The following RIMS2 variants were observed in gnomAD, a reference collection of about 807,000 sequenced individuals.
The protein encoded by RIMS2 is regulating synaptic membrane exocytosis 2, also known as regulating synaptic membrane exocytosis protein 2.
Under a neutral mutation model 174.4 loss-of-function variants are expected in RIMS2, and 59 were observed. The ratio of observed to expected loss-of-function variants is 0.34; its 90% CI spans 0.27 to 0.42. The LOEUF (loss-of-function observed/expected upper bound fraction) is 0.42, where lower values mean the gene tolerates loss of function less well. Among genes scored for constraint, RIMS2 ranks in the 10% least tolerant of loss-of-function variants. The probability of loss-of-function intolerance (pLI) is 1.00; values close to 1 mark genes in which losing one functional copy is unlikely to be tolerated. For missense variants in RIMS2, 1,620 were observed against 1,666.3 expected (o/e 0.97, Z 0.48); for synonymous variants, 606 against 572.5 (o/e 1.06, Z -0.84).
chr8:104,201,496 G>A (rs1203627875), intron 19 of RIMS2, among the ~76,000 whole-genome samples: 1 of 152,036 alleles, frequency 6.6e-6, no homozygotes, highest in Non-Finnish European at 1.5e-5. Context: ...AAAAAATTCG[G>A]CATCATAGAT....
intron 1 of RIMS2, chr8:103,568,999 T>G (rs2092601456): frequency 4.0e-6 from 2 of 497,256 alleles, no homozygotes; most frequent in Admixed American, 6.5e-5. Flanking sequence ...TATCGCTCTT[T>G]TCACTTTCTT....
chr8:104,169,983 T>C (rs1488234147), intron 19 of RIMS2, among the ~76,000 whole-genome samples: 1 of 152,086 alleles, frequency 6.6e-6, no homozygotes, highest in African/African-American at 2.4e-5. Context: ...TGAGTGTTCC[T>C]TTTGGAGTTG....
At chr8:103,911,277 A>T (rs919826641) in intron 5 of RIMS2, among the ~76,000 whole-genome samples, 2 of 152,200 alleles carry the variant, frequency 1.3e-5, no homozygotes, top group Non-Finnish European at 2.9e-5. Flanking sequence ...GAATACTGTC[A>T]TTATTTACAG....
chr8:103,603,435 G>A (rs1030071972), intron 1 of RIMS2, among the ~76,000 whole-genome samples: 3 of 148,304 alleles, frequency 2.0e-5, no homozygotes, highest in African/African-American at 7.5e-5. Context: ...CTTTGCTATT[G>A]TGAATAATGC....
chr8:103,647,651 G>A (rs912705578), intron 1 of RIMS2, among the ~76,000 whole-genome samples: 5 of 151,916 alleles, frequency 3.3e-5, no homozygotes, highest in African/African-American at 4.8e-5. Flanking sequence ...TTCAGCCTTG[G>A]GTAGGTGTAT....
Position 103,773,019 on chromosome 8 carries a change from T to C in RIMS2, c.698+6482T>C, listed in dbSNP as rs553265832. On this transcript the variant is annotated intron_variant, in intron 3 of 23. Coordinates refer to ENST00000504942, the Ensembl canonical transcript of RIMS2. ...GGAAGAAAATATTGGAGAATATTAT[T>C]TGATCTTGGTTTAGGCTAAAACTGT... Among the ~76,000 whole-genome samples the C allele has an allele frequency of 2.6e-3, 403 of 152,284 alleles. 2 individuals carry two copies. The highest frequency in any genetic ancestry group is 4.5e-3 in the Non-Finnish European group (303 of 67,996).
At chr8:103,989,734 TTTA>T (rs2094567528) in intron 17 of RIMS2, among the ~76,000 whole-genome samples, 1 of 152,196 alleles carries the variant, frequency 6.6e-6, no homozygotes, top group Non-Finnish European at 1.5e-5. Flanking sequence ...ACCAAGATGT[TTTA>T]TTATTTTTCT....
intron 19 of RIMS2, among the ~76,000 whole-genome samples, chr8:104,213,737 C>T (rs894803908): frequency 4.6e-5 from 7 of 151,890 alleles, no homozygotes; most frequent in East Asian, 1.9e-4. Context: ...ATTAGTTGGG[C>T]GTGGTGGCAC....
intron 1 of RIMS2, among the ~76,000 whole-genome samples, chr8:103,636,543 A>C (rs1013992992): frequency 1.3e-5 from 2 of 152,116 alleles, no homozygotes; most frequent in African/African-American, 4.8e-5. Flanking sequence ...TTCTTTGTGC[A>C]GGGGAGAATC....
intron 2 of RIMS2, among the ~76,000 whole-genome samples, chr8:103,720,542 C>G (rs1049969906): frequency 1.6e-4 from 24 of 152,112 alleles, no homozygotes; most frequent in African/African-American, 1.2e-4. Context: ...CTGAATATAA[C>G]AGTCTGTCAT....
At chr8:104,104,883 A>AAG (rs71575996) in intron 19 of RIMS2, among the ~76,000 whole-genome samples, 2 of 79,682 alleles carry the variant, frequency 2.5e-5, no homozygotes, top group Non-Finnish European at 5.0e-5. Context: ...CTGTCTCAAG[A>AAG]AAAAAAAAAA....
At chr8:104,253,561 C>G (rs566776451), downstream of RIMS2, 1 of 152,238 alleles carries the variant, frequency 6.6e-6, no homozygotes, top group East Asian at 1.9e-4. Flanking sequence ...CTCCTAAAGT[C>G]AAAACCCCTG....
intron 19 of RIMS2, among the ~76,000 whole-genome samples, chr8:104,149,430 A>G (rs985950761): frequency 8.5e-5 from 13 of 152,250 alleles, no homozygotes; most frequent in Admixed American, 2.0e-4. Context: ...CAGTGAAGAT[A>G]TTCAAAGCTT....
intron 1 of RIMS2, chr8:103,568,635 G>T: frequency 3.3e-6 from 2 of 608,616 alleles, no homozygotes; most frequent in South Asian, 1.5e-5. Context: ...ATCAGCAAGT[G>T]CACTTTGTAT....
chr8:103,988,255 C>T (rs954507162), intron 16 of RIMS2, among the ~76,000 whole-genome samples: 1 of 152,072 alleles, frequency 6.6e-6, no homozygotes, highest in African/African-American at 2.4e-5. Flanking sequence ...GTGAACTTGA[C>T]ATATGATGAT....
At chr8:103,591,456 T>A (rs1251933524) in intron 1 of RIMS2, among the ~76,000 whole-genome samples, 1 of 151,172 alleles carries the variant, frequency 6.6e-6, no homozygotes, top group Non-Finnish European at 1.5e-5. Flanking sequence ...ATGATTATTG[T>A]CTCTGTGTTT....
At chr8:103,711,823 G>T (rs772565169) in intron 2 of RIMS2, among the ~76,000 whole-genome samples, 3 of 151,922 alleles carry the variant, frequency 2.0e-5, no homozygotes, top group Non-Finnish European at 2.9e-5. Flanking sequence ...CTTGAGCCTG[G>T]GAGGCGGCGG....
Position 103,929,511 on chromosome 8 carries a change from A to AT in RIMS2, c.2244+1631dup, listed in dbSNP as rs958885563. 3.4e-3 allele frequency among the ~76,000 whole-genome samples: 517 copies of AT among 151,330 alleles called. 2 individuals carry two copies. Among genetic ancestry groups the AT allele is most frequent in the African/African-American group, 0.012 (490 of 41,336 alleles). ...ACATTTATTGGAAATAAATTGCAGAATTTTTTTTTCCTTTGAGGCCTTAAT... is the reference window on the plus strand; with the variant it reads ...ACATTTATTGGAAATAAATTGCAGAATTTTTTTTTTCCTTTGAGGCCTTAAT... On this transcript the variant is annotated intron_variant, in intron 11 of 23. Coordinates refer to ENST00000504942, the Ensembl canonical transcript of RIMS2.
chr8:103,764,533 CTG>C (rs558694674), intron 2 of RIMS2, among the ~76,000 whole-genome samples: 131 of 152,090 alleles, frequency 8.6e-4, no homozygotes, highest in African/African-American at 3.1e-3. Flanking sequence ...TTTTTTGAGA[CTG>C]TTGATGGGTT....
Sources: allele counts gnomAD v4.1 joint callset (sites outside exome capture counted in the v4.1 genomes callset), GRCh38; gene constraint gnomAD v4.1.1; transcripts MANE v1.5; gene names NCBI Gene and HGNC (gene_info 2026-07-23, HGNC 2026-07-21).